Variants in RSPRY1 observed in about 807,000 individuals in gnomAD.
RSPRY1 encodes the protein ring finger and SPRY domain containing 1.
RSPRY1 carries 23 observed loss-of-function variants against 73.1 expected under a neutral mutation model. The observed-to-expected ratio is 0.31, with a 90% CI of 0.23 to 0.45. The LOEUF is 0.45. Ranked by LOEUF, RSPRY1 falls within the 20% of genes least tolerant of loss-of-function variation. RSPRY1 has a pLI of 1.00. For missense variants in RSPRY1, 448 were observed against 698.7 expected (o/e 0.64, Z 4.05); for synonymous variants, 226 against 251.4 (o/e 0.90, Z 0.95).
intron 1 of RSPRY1, among the ~76,000 whole-genome samples, chr16:57,195,392 A>T (rs2074421891): frequency 6.6e-6 from 1 of 152,056 alleles, no homozygotes; most frequent in Non-Finnish European, 1.5e-5. Flanking sequence ...GGCACCTGTA[A>T]TCCCAGCTAT....
intron 10 of RSPRY1, among the ~76,000 whole-genome samples, chr16:57,225,949 A>C (rs1339041236): frequency 6.6e-6 from 1 of 152,144 alleles, no homozygotes; most frequent in African/African-American, 2.4e-5. Context: ...CTGGTGGCGC[A>C]TGCCTATAAT....
chr16:57,227,458 T>A lies in RSPRY1; in HGVS notation c.1273+5T>A. 1.3e-6 allele frequency: 2 copies of A among 1,591,480 alleles called. No individual in the cohort carries two copies. The highest frequency in any genetic ancestry group is 1.7e-6 in the Non-Finnish European group (2 of 1,159,508). ...TACACCCATGCTGGAAAGAAGGTAT[T>A]CATTCCCTCCATTATAAATTTATCA... is the stretch of plus-strand genomic sequence containing the variant. On this transcript the variant is annotated splice_donor_5th_base_variant and intron_variant, in intron 11 of 14. Transcript: ENST00000394420.
intron 14 of RSPRY1, among the ~76,000 whole-genome samples, chr16:57,235,507 A>G (rs2146392504): frequency 6.6e-6 from 1 of 152,346 alleles, no homozygotes; most frequent in Non-Finnish European, 1.5e-5. Context: ...TTTTAGTTTT[A>G]GAGCTTCCTC....
Position 57,216,148 on chromosome 16 carries a change from C to G in RSPRY1, c.744C>G (p.Ile248Met). 6.2e-7 allele frequency: 1 copy of G among 1,609,894 alleles called. No individual in the cohort carries two copies. Among genetic ancestry groups the G allele is most frequent in the Non-Finnish European group, 8.5e-7 (1 of 1,178,440 alleles). ...SHPTVMLFAL[I>M]ALEKFAQTSE... Reference sequence around the variant, plus strand: ...CCACAGTCATGCTTTTTGCACTTATCGCACTGGAAAAGTTTGCACAGACAA... The same window carrying G: ...CCACAGTCATGCTTTTTGCACTTATGGCACTGGAAAAGTTTGCACAGACAA... Residue 248 changes from isoleucine to methionine, a missense_variant, in exon 7 of 15, where the codon ATC (isoleucine) becomes ATG (methionine). Physicochemically the swap from Ile to Met is conservative, Grantham distance 10 (BLOSUM62 1). Transcript: ENST00000394420.
At chr16:57,188,927 G>A (rs559429894) in intron 1 of RSPRY1, among the ~76,000 whole-genome samples, 81 of 151,140 alleles carry the variant, frequency 5.4e-4, no homozygotes, top group Non-Finnish European at 8.2e-4. Flanking sequence ...CTCCCAGGAT[G>A]CATGTTGCCC....
intron 7 of RSPRY1, 147 bp from the exon 8 acceptor site, chr16:57,216,757 C>A: frequency 1.3e-6 from 1 of 744,622 alleles, no homozygotes; most frequent in Non-Finnish European, 2.2e-6. Flanking sequence ...AGCTCTTTGG[C>A]TATGTTTTCC....
chr16:57,213,785 A>G (rs2074889908), intron 5 of RSPRY1, 103 bp from the exon 6 acceptor site: 1 of 865,990 alleles, frequency 1.2e-6, no homozygotes, highest in Non-Finnish European at 2.0e-6. Flanking sequence ...CTTTAATAAG[A>G]TAATGTGCAT....
chr16:57,204,594 A>G lies in RSPRY1; in HGVS notation c.-65A>G. The G allele has an allele frequency of 2.1e-6, 3 of 1,449,984 alleles. No individual in the cohort carries two copies. The highest frequency in any genetic ancestry group is 2.9e-6 in the Non-Finnish European group (3 of 1,052,482). The allele number at this position is 1,449,984 out of a possible 1,614,324, so 89.8% of individuals were successfully genotyped here. On this transcript the variant is annotated 5_prime_UTR_variant, in exon 2 of 15. Transcript: ENST00000394420. ...TTTGGCATTCAGTTGTTAAAAACAA[A>G]TAGGATGCAAATTCCTCAACTCCAG...
At chr16:57,213,992 G>GGCATCATCTAGAACTGT in intron 6 of RSPRY1, 46 bp downstream of exon 6, 2 of 1,300,490 alleles carry the variant, frequency 1.5e-6, no homozygotes, top group Non-Finnish European at 2.2e-6. Flanking sequence ...TCTAGAAGTG[G>GGCATCATCTAGAACTGT]GCATCATCTA....
rs1029966247 is a variant in RSPRY1, at chr16:57,195,818, C to G, written c.-155-8686C>G. Among the ~76,000 whole-genome samples, 4 of 151,532 alleles carry G rather than the reference C, an allele frequency of 2.6e-5. No individual in the cohort carries two copies. In the East Asian group the frequency reaches 5.8e-4, roughly 22 times the overall value. Reference sequence around the variant, plus strand: ...TGGGTGGATCATGAGGTCAGGAGTTCAAGACCAGCCTGGCCAACATATTGA... The same window carrying G: ...TGGGTGGATCATGAGGTCAGGAGTTGAAGACCAGCCTGGCCAACATATTGA... On this transcript the variant is annotated intron_variant, in intron 1 of 14. Coordinates refer to ENST00000394420, the MANE Select transcript of RSPRY1 (RefSeq NM_133368.3).
At chr16:57,216,837 A>G in intron 7 of RSPRY1, 67 bp from the exon 8 acceptor site, 1 of 1,465,348 alleles carries the variant, frequency 6.8e-7, no homozygotes, top group South Asian at 1.1e-5. Context: ...CCTTAGCAAT[A>G]CTAATTTGCT....
At chr16:57,215,715 C>T (rs929527006) in intron 6 of RSPRY1, among the ~76,000 whole-genome samples, 1 of 152,070 alleles carries the variant, frequency 6.6e-6, no homozygotes, top group African/African-American at 2.4e-5. Context: ...TTTTAGGATT[C>T]TAAGTAAAAT....
chr16:57,194,275 TTAG>T (rs2074400781), intron 1 of RSPRY1, among the ~76,000 whole-genome samples: 1 of 152,138 alleles, frequency 6.6e-6, no homozygotes, highest in Non-Finnish European at 1.5e-5. Context: ...TAGTAAAATG[TTAG>T]TAGTAGAGTC....
chr16:57,187,524 C>T (rs1424212436), intron 1 of RSPRY1, among the ~76,000 whole-genome samples: 19 of 150,006 alleles, frequency 1.3e-4, no homozygotes, highest in Admixed American at 1.1e-3. Flanking sequence ...GACTTAACCT[C>T]CTTAAGTCTC....
chr16:57,187,537 C>T (rs1351296292), intron 1 of RSPRY1, among the ~76,000 whole-genome samples: 1 of 152,188 alleles, frequency 6.6e-6, no homozygotes, highest in Non-Finnish European at 1.5e-5. Context: ...TAAGTCTCTA[C>T]TGTAAAATAA....
At chr16:57,229,690 CTTTTTTTTTTTTTTTTT>C (rs1162737560) in intron 11 of RSPRY1, among the ~76,000 whole-genome samples, 42 of 42,142 alleles carry the variant, frequency 1.0e-3, no homozygotes, top group African/African-American at 3.7e-3. Context: ...AAGATAAATG[CTTTTTTTTTTTTTTTTT>C]TTTTTTTTTT....
intron 1 of RSPRY1, among the ~76,000 whole-genome samples, chr16:57,188,161 T>C (rs753440118): frequency 6.6e-6 from 1 of 152,272 alleles, no homozygotes; most frequent in Non-Finnish European, 1.5e-5. Context: ...TTTAAATTTC[T>C]CTTGCACAGT....
At chr16:57,234,814 TTTGCTGG>T (rs1170219532) in intron 13 of RSPRY1, among the ~76,000 whole-genome samples, 1 of 152,190 alleles carries the variant, frequency 6.6e-6, no homozygotes, top group Admixed American at 6.5e-5. Context: ...AAGGTTGAAA[TTTGCTGG>T]TAACATAAAA....
intron 7 of RSPRY1, chr16:57,216,578 G>C: frequency 2.9e-6 from 1 of 340,598 alleles, no homozygotes; most frequent in Middle Eastern, 8.9e-4. Flanking sequence ...AAATCAGCCA[G>C]GCATGGTGGC....
Sources: allele counts gnomAD v4.1 joint callset (sites outside exome capture counted in the v4.1 genomes callset), GRCh38; gene constraint gnomAD v4.1.1; transcripts MANE v1.5; gene names NCBI Gene and HGNC (gene_info 2026-07-23, HGNC 2026-07-21).